Variants in MAST3 observed in about 807,000 individuals in gnomAD.
MAST3 encodes the protein microtubule associated serine/threonine kinase 3, also known as microtubule-associated serine/threonine-protein kinase 3.
Under a neutral mutation model 127.0 loss-of-function variants are expected in MAST3, and 43 were observed. The ratio of observed to expected loss-of-function variants is 0.34; its 90% confidence interval spans 0.27 to 0.44. MAST3 has a LOEUF of 0.44. MAST3 is among the 20% of genes least tolerant of loss of function. MAST3 has a pLI of 1.00. For synonymous variants in MAST3, 785 were observed against 809.2 expected (o/e 0.97, Z 0.51); for missense variants, 1,390 against 1,919.1 (o/e 0.72, Z 5.15).
In MAST3 at chr19:18,147,644, C is replaced by T. The variant is rs770455305; in HGVS notation, c.3508+20C>T. ...CAGCAGGTGGGTGCACCCCGACCCC[C>T]CACCACCCCGGCTACCCTGGGAGCA... On this transcript the variant is annotated intron_variant, in intron 27 of 27. Transcript: ENST00000687212. 6.3e-5 allele frequency: 94 copies of T among 1,501,950 alleles called. No individual in the cohort carries two copies. The highest frequency in any genetic ancestry group is 7.7e-5 in the Non-Finnish European group (86 of 1,117,802). The allele number at this position is 1,501,950 out of a possible 1,614,324, so 93.0% of individuals were successfully genotyped here. A position where few individuals can be genotyped will look rare whatever the true frequency, so the allele number is the denominator to read the frequency against.
rs1400828931 is a variant in MAST3, at chr19:18,132,128, C to T, written c.1571+81C>T. On this transcript the variant is annotated intron_variant, in intron 15 of 27. Coordinates refer to ENST00000687212, the MANE Select transcript of MAST3 (RefSeq NM_001393504.1). Reference sequence around the variant, plus strand: ...GGGGCGGGGCCAAAGAGGATCAGGGCAGAGCCTCTGAGGTGCATCCCGGGA... The same window carrying T: ...GGGGCGGGGCCAAAGAGGATCAGGGTAGAGCCTCTGAGGTGCATCCCGGGA... 1.3e-5 allele frequency: 20 copies of T among 1,566,082 alleles called. No individual in the cohort carries two copies. In the East Asian group the frequency reaches 4.3e-4, roughly 33 times the overall value.
At chr19:18,105,696 A>C (rs529896521) in intron 1 of MAST3, among the ~76,000 whole-genome samples, 108 of 152,154 alleles carry the variant, frequency 7.1e-4, no homozygotes, top group South Asian at 2.5e-3. Context: ...ACAACAACAA[A>C]AAAAAACCCT....
At chr19:18,122,171 T>C (rs1464882797) in intron 5 of MAST3, 1 of 973,338 alleles carries the variant, frequency 1.0e-6, no homozygotes, top group Non-Finnish European at 1.2e-6. Context: ...TGGGGGGATA[T>C]AGCCCTAAGA....
At chr19:18,128,796 G>T in intron 12 of MAST3, 70 bp from the exon 13 acceptor site, 1 of 1,271,604 alleles carries the variant, frequency 7.9e-7, no homozygotes. Context: ...CAGTGGTTTG[G>T]GCTTGGGGGC....
rs977029257 is a variant in MAST3, at chr19:18,122,466, G to A, written c.321-207G>A. ...TTTGACAGGGGACACAGTGGCAGCT[G>A]GACTCACGGGGGGGCTTCCTGGAAG... On this transcript the variant is annotated intron_variant, in intron 5 of 27. Coordinates refer to ENST00000687212, the MANE Select transcript of MAST3 (RefSeq NM_001393504.1). Among the ~76,000 whole-genome samples the A allele has an allele frequency of 3.8e-5, 4 of 105,696 alleles. No homozygotes were observed. In the East Asian group the frequency reaches 8.9e-4, roughly 23 times the overall value. 69.3% of individuals were successfully genotyped at this position (105,696 alleles called of 152,430 possible). A position where few individuals can be genotyped will look rare whatever the true frequency, so the allele number is the denominator to read the frequency against.
In MAST3 at chr19:18,144,150, G is replaced by A. The variant is rs2042795818; in HGVS notation, c.2584+143G>A. On this transcript the variant is annotated intron_variant, in intron 22 of 27. Coordinates refer to ENST00000687212, the MANE Select transcript of MAST3 (RefSeq NM_001393504.1). The surrounding 1 kb of genome is among the most constrained non-coding windows in gnomAD (Gnocchi z 4.0). ...AGAGGAGAAGCCAGGGTCCCAGAGAGACCCCCAGCCCCCAAGGAACCCCAG... is the reference window on the plus strand; with the variant it reads ...AGAGGAGAAGCCAGGGTCCCAGAGAAACCCCCAGCCCCCAAGGAACCCCAG... 2.1e-5 allele frequency: 26 copies of A among 1,240,150 alleles called. No individual in the cohort carries two copies. The highest frequency in any genetic ancestry group is 2.7e-5 in the Non-Finnish European group (25 of 918,348). The allele number at this position is 1,240,150 out of a possible 1,614,324, so 76.8% of individuals were successfully genotyped here. A position where few individuals can be genotyped will look rare whatever the true frequency, so the allele number is the denominator to read the frequency against.
rs2038800140 is a variant in MAST3, at chr19:18,112,949, G to A, written c.161+2208G>A. 6.6e-6 allele frequency among the ~76,000 whole-genome samples: 1 copy of A among 152,074 alleles called. No homozygotes were observed. The highest frequency in any genetic ancestry group is 2.4e-5 in the African/African-American group (1 of 41,392). ...TTTAGTGAAGAAAACAGGGGCATAG[G>A]ACCTCAGAATGTGTTATCAGGAGCA... On this transcript the variant is annotated intron_variant, in intron 3 of 27. Coordinates refer to ENST00000687212, the MANE Select transcript of MAST3 (RefSeq NM_001393504.1). This position sits in a 1 kb window ranked among gnomAD's most constrained non-coding sequence, Gnocchi z 4.1.
At position 18,145,942 on chromosome 19, in the gene MAST3, C is replaced by T. The variant is rs2042973595; in HGVS notation, c.3162+77C>T. 11 of 1,469,344 alleles carry T rather than the reference C, an allele frequency of 7.5e-6. No homozygotes were observed. Among genetic ancestry groups the T allele is most frequent in the South Asian group, 1.3e-5 (1 of 74,428 alleles). The allele number at this position is 1,469,344 out of a possible 1,614,324, so 91.0% of individuals were successfully genotyped here. On this transcript the variant is annotated intron_variant, in intron 25 of 27. Coordinates refer to ENST00000687212, the MANE Select transcript of MAST3 (RefSeq NM_001393504.1). The surrounding 1 kb of genome is among the most constrained non-coding windows in gnomAD (Gnocchi z 5.9). ...CAGCTCCCGGTTCCCCGTGGTTCTCCGCGTCCAGACACACAACCCCACATT... is the reference window on the plus strand; with the variant it reads ...CAGCTCCCGGTTCCCCGTGGTTCTCTGCGTCCAGACACACAACCCCACATT...
Position 18,110,746 on chromosome 19 carries a change from GTGA to G in MAST3, c.161+6_161+8del, listed in dbSNP as rs2038508728. Reference sequence around the variant, plus strand: ...CTTGGGCCTGCACCCCTGGAGGTAAGTGACAGCGCGTGTGGGCGGGGCGCAGAC... The same window carrying G: ...CTTGGGCCTGCACCCCTGGAGGTAAGCAGCGCGTGTGGGCGGGGCGCAGAC... On this transcript the variant is annotated splice_donor_region_variant and intron_variant, in intron 3 of 27. Coordinates refer to ENST00000687212, the MANE Select transcript of MAST3 (RefSeq NM_001393504.1). This position sits in a 1 kb window ranked among gnomAD's most constrained non-coding sequence, Gnocchi z 4.3. 1.0e-6 allele frequency: 1 copy of G among 984,744 alleles called. No individual in the cohort carries two copies. Among genetic ancestry groups the G allele is most frequent in the Non-Finnish European group, 1.2e-6 (1 of 829,008 alleles). 61.0% of individuals were successfully genotyped at this position (984,744 alleles called of 1,614,324 possible).
chr19:18,107,419 G>A (rs370756247), intron 1 of MAST3, among the ~76,000 whole-genome samples, 168 bp from the exon 2 acceptor site: 25 of 152,218 alleles, frequency 1.6e-4, no homozygotes, highest in East Asian at 3.9e-4. Flanking sequence ...CTGAGAGAGC[G>A]CACAGATAGC....
chr19:18,126,912 C>A (rs1049471100), intron 11 of MAST3, among the ~76,000 whole-genome samples: 1 of 151,920 alleles, frequency 6.6e-6, no homozygotes, highest in African/African-American at 2.4e-5. Context: ...TCCCGAGTAG[C>A]TGGGACTACA....
intron 3 of MAST3, among the ~76,000 whole-genome samples, chr19:18,116,870 G>A (rs1390002529): frequency 6.8e-6 from 1 of 147,516 alleles, no homozygotes; most frequent in Non-Finnish European, 1.5e-5. Context: ...CTGAGACTGC[G>A]CCATTGCATT....
At chr19:18,140,421 C>T (rs1376030193) in intron 20 of MAST3, among the ~76,000 whole-genome samples, 3 of 152,144 alleles carry the variant, frequency 2.0e-5, no homozygotes, top group African/African-American at 7.2e-5. Context: ...TCGTGGCATT[C>T]AGCACATTCA....
At chr19:18,134,186 C>A (rs575871129) in intron 15 of MAST3, among the ~76,000 whole-genome samples, 42 of 151,670 alleles carry the variant, frequency 2.8e-4, no homozygotes, top group Non-Finnish European at 4.4e-4. Context: ...CTGACCAACA[C>A]GGCAAAACCC....
chr19:18,109,213 G>T (rs2146905401), intron 2 of MAST3, among the ~76,000 whole-genome samples: 1 of 134,028 alleles, frequency 7.5e-6, no homozygotes, highest in South Asian at 2.2e-4. Flanking sequence ...GAGTGGAGAT[G>T]AGGTGGCAGG....
chr19:18,126,368 G>C (rs1429823345), intron 11 of MAST3, among the ~76,000 whole-genome samples: 1 of 152,226 alleles, frequency 6.6e-6, no homozygotes, highest in Non-Finnish European at 1.5e-5. Flanking sequence ...CTGGAGGGCA[G>C]GAGGTGACCA....
intron 11 of MAST3, among the ~76,000 whole-genome samples, 166 bp downstream of exon 11, chr19:18,124,940 C>CCCT (rs58726300): frequency 2.0e-5 from 3 of 150,952 alleles, no homozygotes; most frequent in African/African-American, 4.9e-5. Context: ...AACCCCCCCC[C>CCCT]TACTAAAAAT....
chr19:18,139,431 TCTC>T (rs1456319473), intron 20 of MAST3, among the ~76,000 whole-genome samples: 1 of 152,114 alleles, frequency 6.6e-6, no homozygotes, highest in Non-Finnish European at 1.5e-5. Flanking sequence ...TTCAAGCGAT[TCTC>T]CTGCCTCAGC....
chr19:18,144,830 G>A lies in MAST3; in HGVS notation c.2812+137G>A, dbSNP rs935795085. The A allele has an allele frequency of 7.7e-6, 8 of 1,038,486 alleles. No individual in the cohort carries two copies. Among genetic ancestry groups the A allele is most frequent in the East Asian group, 7.6e-5 (3 of 39,238 alleles). 64.3% of individuals were successfully genotyped at this position (1,038,486 alleles called of 1,614,324 possible). On this transcript the variant is annotated intron_variant, in intron 23 of 27. Coordinates refer to ENST00000687212, the MANE Select transcript of MAST3 (RefSeq NM_001393504.1). This position sits in a 1 kb window ranked among gnomAD's most constrained non-coding sequence, Gnocchi z 4.0. ...AGGAGTAGGACACATGGAGAGCTGG[G>A]GAGATGGTGTTCCCAGTAGAGGGCA...
Sources: gnomAD v4.1 joint callset for allele counts (sites outside exome capture counted in the v4.1 genomes callset) on GRCh38, gnomAD v4.1.1 for gene constraint, Gnocchi (gnomAD v3.1) non-coding constraint, MANE v1.5 for transcripts, NCBI Gene and HGNC (gene_info 2026-07-23, HGNC 2026-07-21) for gene names.